The following CACNA2D3 variants were observed in gnomAD, a reference collection of about 807,000 sequenced individuals.
CACNA2D3 encodes calcium voltage-gated channel auxiliary subunit alpha2delta 3.
A neutral mutation model predicts 160.6 loss-of-function variants in CACNA2D3; 60 were observed. That is an observed-to-expected ratio of 0.37 (90% confidence interval 0.30 to 0.46). The LOEUF is 0.46. CACNA2D3 is among the 20% of genes least tolerant of loss of function. CACNA2D3 has a pLI of 1.00. For synonymous variants in CACNA2D3, 558 were observed against 492.9 expected (o/e 1.13, Z -1.75); for missense variants, 1,205 against 1,365.0 (o/e 0.88, Z 1.85).
intron 4 of CACNA2D3, among the ~76,000 whole-genome samples, chr3:54,391,120 C>T (rs1402289108): frequency 2.0e-5 from 3 of 152,206 alleles, no homozygotes; most frequent in Non-Finnish European, 2.9e-5. Flanking sequence ...CCTTCTCTCG[C>T]TTTAGACTGG....
chr3:54,569,485 G>T (rs1173343691), intron 6 of CACNA2D3, among the ~76,000 whole-genome samples: 1 of 152,162 alleles, frequency 6.6e-6, no homozygotes, highest in Non-Finnish European at 1.5e-5. Context: ...AATGACTTCG[G>T]CTACCTTTAT....
chr3:54,682,468 A>T (rs1700371076), intron 11 of CACNA2D3, among the ~76,000 whole-genome samples: 1 of 152,096 alleles, frequency 6.6e-6, no homozygotes, highest in Admixed American at 6.5e-5. Flanking sequence ...TCTACTAAAA[A>T]TATAAAAATT....
chr3:54,423,695 T>A (rs776026814), intron 4 of CACNA2D3, among the ~76,000 whole-genome samples: 1 of 152,148 alleles, frequency 6.6e-6, no homozygotes, highest in African/African-American at 2.4e-5. Context: ...CTCTGGTTTT[T>A]CTGAGTAAAA....
chr3:54,927,592 T>G (rs961715291), intron 27 of CACNA2D3, among the ~76,000 whole-genome samples: 1 of 152,138 alleles, frequency 6.6e-6, no homozygotes, highest in East Asian at 1.9e-4. Context: ...TTGTTCATTC[T>G]TTCTTTGGTT....
At chr3:54,338,283 G>A (rs576984751) in intron 3 of CACNA2D3, among the ~76,000 whole-genome samples, 2 of 152,290 alleles carry the variant, frequency 1.3e-5, no homozygotes, top group South Asian at 2.1e-4. Context: ...CTTGTTTACC[G>A]TGGGCCACAA....
intron 11 of CACNA2D3, among the ~76,000 whole-genome samples, chr3:54,736,641 G>A (rs1247595953): frequency 6.6e-6 from 1 of 152,134 alleles, no homozygotes; most frequent in African/African-American, 2.4e-5. Flanking sequence ...TTGTATTGGT[G>A]CTTAAAAGTG....
At chr3:54,291,368 T>G (rs1419657913) in intron 2 of CACNA2D3, among the ~76,000 whole-genome samples, 1 of 152,236 alleles carries the variant, frequency 6.6e-6, no homozygotes, top group African/African-American at 2.4e-5. Context: ...ATTGTCTAAA[T>G]TTTGTCCCTT....
intron 2 of CACNA2D3, among the ~76,000 whole-genome samples, chr3:54,152,347 T>C (rs1430730832): frequency 6.6e-6 from 1 of 152,242 alleles, no homozygotes; most frequent in Admixed American, 6.5e-5. Flanking sequence ...GCTGCATTCC[T>C]ATTGGCAGAT....
intron 4 of CACNA2D3, among the ~76,000 whole-genome samples, chr3:54,495,524 A>G (rs552271263): frequency 5.9e-5 from 9 of 152,258 alleles, no homozygotes; most frequent in African/African-American, 2.2e-4. Flanking sequence ...TGAAGAGGGC[A>G]GATCACTTGA....
intron 31 of CACNA2D3, among the ~76,000 whole-genome samples, chr3:54,996,021 G>A (rs1242738219): frequency 6.6e-6 from 1 of 152,148 alleles, no homozygotes; most frequent in East Asian, 1.9e-4. Context: ...ATGGAAGTAG[G>A]AACATTCAAT....
intron 27 of CACNA2D3, among the ~76,000 whole-genome samples, chr3:54,929,672 A>T (rs1324572667): frequency 1.3e-5 from 2 of 152,180 alleles, no homozygotes; most frequent in Non-Finnish European, 2.9e-5. Context: ...GGCAAAAGTC[A>T]GGTGTAGGTG....
At chr3:54,802,602 A>G (rs940224439) in intron 13 of CACNA2D3, among the ~76,000 whole-genome samples, 5 of 152,282 alleles carry the variant, frequency 3.3e-5, no homozygotes, top group East Asian at 3.9e-4. Context: ...GCAAGTTTCT[A>G]TGAAAATAGT....
chr3:54,879,165 C>T, intron 19 of CACNA2D3, 76 bp downstream of exon 19: 1 of 1,023,782 alleles, frequency 9.8e-7, no homozygotes, highest in Non-Finnish European at 1.5e-6. Flanking sequence ...AAAGCTATAT[C>T]TGGAATAAAT....
intron 4 of CACNA2D3, among the ~76,000 whole-genome samples, chr3:54,491,234 G>A (rs1280849602): frequency 1.3e-5 from 2 of 152,164 alleles, no homozygotes; most frequent in African/African-American, 2.4e-5. Context: ...GCTCAGGTGC[G>A]CCTCTTAGGG....
rs1457717975 is a variant in CACNA2D3 at position 54,122,849 on chromosome 3, C to T, written c.122+14C>T. 3.3e-6 allele frequency: 4 copies of T among 1,226,294 alleles called. No individual in the cohort carries two copies. The highest frequency in any genetic ancestry group is 1.6e-5 in the African/African-American group (1 of 63,802). 76.0% of individuals were successfully genotyped at this position (1,226,294 alleles called of 1,614,324 possible). ...ACCGCTCTCCGTGTAAGTGCCGGCT[C>T]CTGCGCCGCCCGGGGAGGGGACCTT... On this transcript the variant is annotated intron_variant, in intron 1 of 37. Coordinates refer to ENST00000474759, the MANE Select transcript of CACNA2D3 (RefSeq NM_018398.3).
chr3:54,866,878 G>A (rs930111463), intron 17 of CACNA2D3, among the ~76,000 whole-genome samples: 1 of 152,160 alleles, frequency 6.6e-6, no homozygotes, highest in African/African-American at 2.4e-5. Context: ...TTGTTTGTGT[G>A]TTCCCCACAT....
chr3:55,066,120 G>A (rs1704630294), intron 35 of CACNA2D3, among the ~76,000 whole-genome samples: 2 of 152,116 alleles, frequency 1.3e-5, no homozygotes, highest in Admixed American at 1.3e-4. Context: ...GGTGCTTGCT[G>A]GGGCAGGGCA....
intron 17 of CACNA2D3, among the ~76,000 whole-genome samples, chr3:54,859,791 G>T (rs1699246101): frequency 6.6e-6 from 1 of 152,078 alleles, no homozygotes; most frequent in South Asian, 2.1e-4. Context: ...TCCTGGAAGG[G>T]CAAGGGCCTC....
At chr3:55,010,131 C>G (rs1205023785) in intron 34 of CACNA2D3, among the ~76,000 whole-genome samples, 2 of 151,990 alleles carry the variant, frequency 1.3e-5, no homozygotes, top group South Asian at 4.2e-4. Context: ...AACATAAGTC[C>G]TCAAAAAATA....
Sources: gnomAD v4.1 joint callset for allele counts (sites outside exome capture counted in the v4.1 genomes callset) on GRCh38, gnomAD v4.1.1 for gene constraint, MANE v1.5 for transcripts, NCBI Gene and HGNC (gene_info 2026-07-23, HGNC 2026-07-21) for gene names.